COP1: variants seen among roughly 807,000 people sequenced by gnomAD.
COP1 encodes the protein COP1 E3 ubiquitin ligase.
COP1 carries 24 observed loss-of-function variants against 101.3 expected under a neutral mutation model. The ratio of observed to expected loss-of-function variants is 0.24; its 90% confidence interval spans 0.17 to 0.33. The LOEUF (loss-of-function observed/expected upper bound fraction) is 0.33. COP1 is among the 10% of genes least tolerant of loss of function. The pLI is 1.00. For missense variants in COP1, 663 were observed against 906.2 expected, an observed-to-expected ratio of 0.73 and a Z score of 3.45; for synonymous variants, 347 against 341.9, an observed-to-expected ratio of 1.01 and a Z score of -0.17.
At chr1:176,204,942 A>C (rs556128872) in intron 1 of COP1, among the ~76,000 whole-genome samples, 3 of 152,158 alleles carry the variant, frequency 2.0e-5, no homozygotes, top group African/African-American at 7.2e-5. Flanking sequence ...ACAAATTTTT[A>C]CTCTTTTAAA....
chr1:176,198,743 T>C (rs190319329), intron 1 of COP1, among the ~76,000 whole-genome samples: 1 of 151,960 alleles, frequency 6.6e-6, no homozygotes, highest in Non-Finnish European at 1.5e-5. Flanking sequence ...GCAGAATACA[T>C]AAAGAACACT....
chr1:176,162,742 C>T lies in COP1; in HGVS notation c.762+127G>A, dbSNP rs1028626802. On this transcript the variant is annotated intron_variant, in intron 5 of 19. Transcript: ENST00000367669. ...ATCTAGCAGAAGTGACACTTTGTAG[C>T]TGTTTCTAGCTGAGTAAAAATGAAT... 4.6e-6 allele frequency: 3 copies of T among 650,292 alleles called. No individual in the cohort carries two copies. The African/African-American group carries it at 5.6e-5, about 12-fold the overall frequency. The allele number at this position is 650,292 out of a possible 1,614,324, so 40.3% of individuals were successfully genotyped here.
At position 176,097,815 on chromosome 1, in the gene COP1, G is replaced by A. The variant is rs1682681457; in HGVS notation, c.1027-11925C>T. Among the ~76,000 whole-genome samples, 5 of 143,078 alleles carry A rather than the reference G, an allele frequency of 3.5e-5. No homozygotes were observed. In the South Asian group the frequency reaches 1.1e-3, roughly 33 times the overall value. The allele number at this position is 143,078 out of a possible 152,430, so 93.9% of individuals were successfully genotyped here. ...ACATGGGAAGCGGAGGTTGCAGTGA[G>A]TCGAGATCATGCCACTGCACTCCAG... On this transcript the variant is annotated intron_variant, in intron 9 of 19. Coordinates refer to ENST00000367669, the MANE Select transcript of COP1 (RefSeq NM_022457.7).
intron 15 of COP1, among the ~76,000 whole-genome samples, chr1:176,019,101 C>T (rs528320813): frequency 5.3e-5 from 8 of 150,748 alleles, no homozygotes; most frequent in South Asian, 2.1e-4. Context: ...GGGAGGCAGA[C>T]GCTGCAGTGA....
intron 1 of COP1, among the ~76,000 whole-genome samples, chr1:176,197,500 G>A (rs1572807621): frequency 6.6e-6 from 1 of 152,248 alleles, no homozygotes; most frequent in East Asian, 1.9e-4. Flanking sequence ...AGACCTATGA[G>A]AAAATAAATT....
intron 8 of COP1, 78 bp from the exon 9 acceptor site, chr1:176,116,759 T>C (rs1686256387): frequency 9.9e-7 from 1 of 1,012,536 alleles, no homozygotes; most frequent in Non-Finnish European, 1.5e-6. Flanking sequence ...CTAAAGTATA[T>C]CATATATAAG....
At chr1:176,054,328 AT>A (rs1367654288) in intron 11 of COP1, among the ~76,000 whole-genome samples, 9 of 151,684 alleles carry the variant, frequency 5.9e-5, no homozygotes, top group Non-Finnish European at 2.9e-5. Context: ...TGCCCAGCTA[AT>A]TTTTGTATTT....
At chr1:176,102,796 TTGATGGATCAGC>T (rs1242655083) in intron 9 of COP1, among the ~76,000 whole-genome samples, 3 of 152,234 alleles carry the variant, frequency 2.0e-5, no homozygotes, top group Non-Finnish European at 4.4e-5. Context: ...GACCCTGCAC[TTGATGGATCAGC>T]TGACACCACC....
intron 15 of COP1, among the ~76,000 whole-genome samples, chr1:176,016,149 G>A (rs535138997): frequency 3.9e-5 from 6 of 152,044 alleles, no homozygotes; most frequent in African/African-American, 1.4e-4. Flanking sequence ...AATGTCTGGA[G>A]TTTTTTTTAG....
intron 3 of COP1, among the ~76,000 whole-genome samples, chr1:176,173,651 A>G (rs1298721677): frequency 6.6e-6 from 1 of 151,550 alleles, no homozygotes; most frequent in Non-Finnish European, 1.5e-5. Flanking sequence ...AAAAAAAAAA[A>G]ATCAGTAAAT....
intron 15 of COP1, 74 bp from the exon 16 acceptor site, chr1:175,989,553 G>A: frequency 1.2e-6 from 1 of 827,546 alleles, no homozygotes; most frequent in South Asian, 1.5e-5. Context: ...ACTGGTTTTT[G>A]GTTTTTTCAT....
At chr1:176,063,083 C>T (rs1223892173) in intron 11 of COP1, among the ~76,000 whole-genome samples, 2 of 115,342 alleles carry the variant, frequency 1.7e-5, no homozygotes, top group Admixed American at 1.2e-4. Flanking sequence ...GACGGAGTCT[C>T]GCTCTGTCGC....
At chr1:176,081,931 G>C (rs887559734) in intron 10 of COP1, among the ~76,000 whole-genome samples, 2 of 152,080 alleles carry the variant, frequency 1.3e-5, no homozygotes, top group East Asian at 1.9e-4. Flanking sequence ...ATCTCTTGCT[G>C]AAATATGAAA....
intron 18 of COP1, among the ~76,000 whole-genome samples, chr1:175,962,509 G>A (rs868061615): frequency 3.9e-5 from 6 of 152,064 alleles, no homozygotes; most frequent in Non-Finnish European, 7.4e-5. Flanking sequence ...TTGTCTAAAT[G>A]GTATAAAAAC....
chr1:176,148,716 G>A (rs1360426331), intron 6 of COP1, among the ~76,000 whole-genome samples: 2 of 152,086 alleles, frequency 1.3e-5, no homozygotes, highest in Non-Finnish European at 2.9e-5. Context: ...TCATGGTGAA[G>A]GGTAAGCTGT....
chr1:175,946,660 C>T (rs953166709), intron 19 of COP1, among the ~76,000 whole-genome samples: 5 of 152,124 alleles, frequency 3.3e-5, no homozygotes, highest in East Asian at 3.9e-4. Context: ...GCTAGGCTTC[C>T]TTGAATCACA....
At chr1:176,038,328 T>C (rs1389120915) in intron 14 of COP1, among the ~76,000 whole-genome samples, 1 of 152,206 alleles carries the variant, frequency 6.6e-6, no homozygotes, top group Admixed American at 6.5e-5. Context: ...CCCAAATTGA[T>C]CTATAGATTG....
chr1:176,144,579 A>G (rs1691271758), intron 6 of COP1, among the ~76,000 whole-genome samples: 1 of 152,150 alleles, frequency 6.6e-6, no homozygotes, highest in Non-Finnish European at 1.5e-5. Context: ...CTGATTCTAA[A>G]ATTTATACTG....
At chr1:176,179,298 A>C (rs1223875860) in intron 2 of COP1, among the ~76,000 whole-genome samples, 2 of 152,162 alleles carry the variant, frequency 1.3e-5, no homozygotes, top group Non-Finnish European at 2.9e-5. Context: ...TCAAAAAAAA[A>C]AAAAATTACA....
Sources: gnomAD v4.1 joint callset for allele counts (sites outside exome capture counted in the v4.1 genomes callset) on GRCh38, gnomAD v4.1.1 for gene constraint, MANE v1.5 for transcripts, NCBI Gene and HGNC (gene_info 2026-07-23, HGNC 2026-07-21) for gene names.